Variants in HMCN1 observed in about 807,000 individuals in gnomAD.
The protein encoded by HMCN1 is hemicentin 1, also known as hemicentin-1.
In HMCN1, 321 loss-of-function variants were observed where a neutral mutation model predicts 625.9. The ratio of observed to expected loss-of-function variants is 0.51; its 90% CI spans 0.47 to 0.56. The LOEUF (loss-of-function observed/expected upper bound fraction) is 0.56, where lower values mean the gene tolerates loss of function less well. HMCN1 is among the 20% of genes least tolerant of loss of function. HMCN1 has a pLI of 0.00. For synonymous variants in HMCN1, 2,425 were observed against 2,417.6 expected, an observed-to-expected ratio of 1.00 and a Z score of -0.09; for missense variants, 6,588 against 6,887.3, an observed-to-expected ratio of 0.96 and a Z score of 1.54.
chr1:186,109,070 G>C (rs1160706160), intron 71 of HMCN1, among the ~76,000 whole-genome samples: 1 of 152,304 alleles, frequency 6.6e-6, no homozygotes, highest in African/African-American at 2.4e-5. Flanking sequence ...GTTACTGGCT[G>C]TATAAAGCTT....
chr1:185,995,412 C>T (rs1652714720), intron 24 of HMCN1, among the ~76,000 whole-genome samples: 1 of 152,066 alleles, frequency 6.6e-6, no homozygotes, highest in African/African-American at 2.4e-5. Flanking sequence ...AGGTTGTCAC[C>T]TCACAGTGCT....
chr1:186,172,726 A>T (rs1652309230), intron 102 of HMCN1, among the ~76,000 whole-genome samples: 1 of 152,192 alleles, frequency 6.6e-6, no homozygotes, highest in Non-Finnish European at 1.5e-5. Flanking sequence ...TAAAAGAGAG[A>T]TACCATTCCC....
At position 185,931,538 on chromosome 1, in the gene HMCN1, A is replaced by G. The variant is rs902272877; in HGVS notation, c.1553-2011A>G. The stretch of plus-strand genomic sequence containing the variant: ...TCATGTATGTTAGTAGAAAGTTGGC[A>G]TGTACTTATTTGAATTTATATCTGA... On this transcript the variant is annotated intron_variant, in intron 10 of 106. Transcript: ENST00000271588. Among the ~76,000 whole-genome samples, 4 of 152,208 alleles carry G rather than the reference A, an allele frequency of 2.6e-5. No homozygotes were observed. The East Asian group carries it at 5.8e-4, about 22-fold the overall frequency.
intron 36 of HMCN1, among the ~76,000 whole-genome samples, chr1:186,030,452 C>T (rs1489864282): frequency 6.6e-6 from 1 of 151,902 alleles, no homozygotes; most frequent in Non-Finnish European, 1.5e-5. Flanking sequence ...ACTTTGTTGC[C>T]AGTAACAGTT....
Position 186,053,056 on chromosome 1 carries a change from C to A in HMCN1, c.6682C>A (p.Leu2228Ile), listed in dbSNP as rs762495464. 1 of 1,609,578 alleles carries A rather than the reference C, an allele frequency of 6.2e-7. No individual in the cohort carries two copies. Among genetic ancestry groups the A allele is most frequent in the Admixed American group, 1.7e-5 (1 of 59,842 alleles). ...CESSGIPPPN[L>I]IWKKKGSPVL... ...ATCAAGTGGTATTCCACCCCCAAAT[C>A]TCATCTGGAAGAAGAAAGGTCAGTT... Residue 2228 changes from leucine (L) to isoleucine (I), a missense_variant, in exon 43 of 107, where the codon CTC (leucine) becomes ATC (isoleucine). By Grantham distance (5) the Leu-to-Ile change is conservative. This residue lies in a region of HMCN1 where 4,628 missense variants were observed against 4,853.1 expected (regional missense o/e 0.95). Coordinates refer to ENST00000271588, the MANE Select transcript of HMCN1 (RefSeq NM_031935.3).
chr1:186,159,275 C>T (rs985984093), intron 97 of HMCN1, among the ~76,000 whole-genome samples: 14 of 152,136 alleles, frequency 9.2e-5, no homozygotes, highest in Non-Finnish European at 1.2e-4. Flanking sequence ...ATTTTGTATC[C>T]TGAGACTTTG....
chr1:185,868,354 C>T (rs1378447249), intron 4 of HMCN1, among the ~76,000 whole-genome samples: 1 of 152,086 alleles, frequency 6.6e-6, no homozygotes, highest in Non-Finnish European at 1.5e-5. Context: ...CCCCCCACTG[C>T]CCCCCAATCA....
At chr1:185,755,714 G>A (rs1655091271) in intron 1 of HMCN1, among the ~76,000 whole-genome samples, 1 of 152,160 alleles carries the variant, frequency 6.6e-6, no homozygotes, top group South Asian at 2.1e-4. Context: ...GACCAGGGCA[G>A]CCATACCTGA....
Position 185,916,696 on chromosome 1 carries a change from T to C in HMCN1, c.900+4916T>C, listed in dbSNP as rs142631955. On this transcript the variant is annotated intron_variant, in intron 6 of 106. Transcript: ENST00000271588. ...AGAAAAACCATCTCTATCAGTCAAA[T>C]TTTAATTCAATTTATAAAAGGTAAG... Among the ~76,000 whole-genome samples the C allele has an allele frequency of 3.5e-3, 529 of 152,296 alleles. 3 individuals carry two copies. The highest frequency in any genetic ancestry group is 0.012 in the African/African-American group (511 of 41,564).
chr1:185,809,117 T>A (rs1659350931), intron 1 of HMCN1, among the ~76,000 whole-genome samples: 1 of 152,166 alleles, frequency 6.6e-6, no homozygotes, highest in Admixed American at 6.5e-5. Flanking sequence ...TATTAACGTC[T>A]CTTTCATTCC....
intron 69 of HMCN1, among the ~76,000 whole-genome samples, chr1:186,106,331 T>C (rs1660605939): frequency 6.6e-6 from 1 of 152,212 alleles, no homozygotes; most frequent in African/African-American, 2.4e-5. Flanking sequence ...ATTTTGGTTT[T>C]AGTTAGATAA....
chr1:185,864,756 C>A, intron 3 of HMCN1, 128 bp downstream of exon 3: 1 of 811,548 alleles, frequency 1.2e-6, no homozygotes, highest in Non-Finnish European at 2.1e-6. Context: ...GTATGTTCTC[C>A]AATATGTATA....
At chr1:186,186,545 G>C (rs942350183) in intron 105 of HMCN1, among the ~76,000 whole-genome samples, 1 of 152,066 alleles carries the variant, frequency 6.6e-6, no homozygotes, top group Non-Finnish European at 1.5e-5. Context: ...AAATAAAATA[G>C]AGAGCTAAGA....
At chr1:185,968,063 G>T (rs1650547023) in intron 14 of HMCN1, among the ~76,000 whole-genome samples, 1 of 152,114 alleles carries the variant, frequency 6.6e-6, no homozygotes, top group African/African-American at 2.4e-5. Context: ...AAAGAAATTA[G>T]ATTTATTCAT....
chr1:186,122,811 T>C, intron 80 of HMCN1, 140 bp from the exon 81 acceptor site: 1 of 879,074 alleles, frequency 1.1e-6, no homozygotes, highest in East Asian at 2.6e-5. Context: ...TGAAAAAATG[T>C]AGTGCTCCTT....
At chr1:186,042,179 C>G (rs957213205) in intron 40 of HMCN1, among the ~76,000 whole-genome samples, 1 of 152,240 alleles carries the variant, frequency 6.6e-6, no homozygotes, top group East Asian at 1.9e-4. Flanking sequence ...GCAATTGACA[C>G]GAGTTCACAT....
At chr1:185,970,712 G>A (rs1650753591) in intron 15 of HMCN1, among the ~76,000 whole-genome samples, 1 of 151,834 alleles carries the variant, frequency 6.6e-6, no homozygotes, top group Non-Finnish European at 1.5e-5. Flanking sequence ...AGGCTGGAGT[G>A]CAGTAGTGCT....
intron 36 of HMCN1, among the ~76,000 whole-genome samples, chr1:186,033,459 G>A (rs1372056226): frequency 2.0e-5 from 3 of 152,012 alleles, no homozygotes; most frequent in Non-Finnish European, 4.4e-5. Flanking sequence ...AACATAAATT[G>A]TATAGTAGTT....
Position 186,039,767 on chromosome 1 carries a change from T to C in HMCN1, c.6068T>C (p.Val2023Ala). 6.2e-7 allele frequency: 1 copy of C among 1,613,612 alleles called. No homozygotes were observed. The highest frequency in any genetic ancestry group is 8.5e-7 in the Non-Finnish European group (1 of 1,179,640). ...TCTGGCAGCAATAACATGGTGGCAG[T>C]GGTGGTTAATAACCCGGTGAGGTTA... ...SISGSNNMVA[V>A]VVNNPVRLEC... Residue 2023 changes from valine to alanine, a missense_variant, in exon 39 of 107, where the codon GTG becomes GCG. Around this residue, in one of 3 missense-constraint regions of HMCN1, gnomAD observed 4,628 missense variants for 4,853.1 expected, o/e 0.95. Coordinates refer to ENST00000271588, the MANE Select transcript of HMCN1 (RefSeq NM_031935.3).
Sources: allele counts gnomAD v4.1 joint callset (sites outside exome capture counted in the v4.1 genomes callset), GRCh38; gene constraint gnomAD v4.1.1; regional missense constraint gnomAD v4.1.1; transcripts MANE v1.5; gene names NCBI Gene and HGNC (gene_info 2026-07-23, HGNC 2026-07-21).